The following SNTG2 variants were observed in gnomAD, a reference collection of about 807,000 sequenced individuals.
SNTG2 encodes the protein gamma-2-syntrophin.
Under a neutral mutation model 70.9 loss-of-function variants are expected in SNTG2, and 74 were observed. That is an observed-to-expected ratio of 1.04 (90% CI 0.86 to 1.27). The LOEUF (loss-of-function observed/expected upper bound fraction) is 1.27, where lower values mean the gene tolerates loss of function less well. Among genes scored for constraint, SNTG2 ranks in the 50% most tolerant of loss-of-function variants. The probability of loss-of-function intolerance (pLI) is 0.00; values close to 1 mark genes in which losing one functional copy is unlikely to be tolerated. For synonymous variants in SNTG2, 278 were observed against 273.8 expected (o/e 1.02, Z -0.15); for missense variants, 717 against 690.7 (o/e 1.04, Z -0.43).
chr2:1,282,713 A>G (rs1444377781), intron 14 of SNTG2, among the ~76,000 whole-genome samples: 1 of 35,972 alleles, frequency 2.8e-5, no homozygotes, highest in Non-Finnish European at 5.1e-5. Context: ...CCTCCCCCGC[A>G]CTGTGCATCC....
intron 1 of SNTG2, among the ~76,000 whole-genome samples, chr2:981,771 T>C (rs1368710197): frequency 2.0e-5 from 3 of 152,190 alleles, no homozygotes. Context: ...AGTACACACA[T>C]GCCCCCACAC....
intron 6 of SNTG2, chr2:1,160,133 ATTC>A (rs1670173339): frequency 6.6e-6 from 1 of 152,208 alleles, no homozygotes; most frequent in Non-Finnish European, 1.5e-5. Flanking sequence ...GTGTATGAAA[ATTC>A]TTGTACTGAC....
At position 1,221,859 on chromosome 2, in the gene SNTG2, G is replaced by A. The variant is rs1320942551; in HGVS notation, c.719+12629G>A. 2.8e-3 allele frequency among the ~76,000 whole-genome samples: 15 copies of A among 5,308 alleles called. 5 individuals are homozygous for A. Among genetic ancestry groups the A allele is most frequent in the Admixed American group, 4.6e-3 (2 of 432 alleles). The allele number at this position is 5,308 out of a possible 152,430, so 3.5% of individuals were successfully genotyped here. On this transcript the variant is annotated intron_variant, in intron 9 of 16. Transcript: ENST00000308624. ...TCTCTCTGTCTCTGTCTCTGTCTCT[G>A]TCTCTGTCTCTCTCTCTCTCTGTCT...
intron 8 of SNTG2, among the ~76,000 whole-genome samples, chr2:1,180,940 T>C (rs1671844009): frequency 6.6e-6 from 1 of 151,904 alleles, no homozygotes; most frequent in Non-Finnish European, 1.5e-5. Flanking sequence ...AAATTGGAAA[T>C]CATCATTCTC....
rs1386674195 is a variant in SNTG2 at position 1,296,206 on chromosome 2, C to A, written c.1285-12288C>A. Among the ~76,000 whole-genome samples the A allele has an allele frequency of 2.0e-5, 3 of 152,234 alleles. No individual in the cohort carries two copies. In the East Asian group the frequency reaches 5.8e-4, roughly 29 times the overall value. On this transcript the variant is annotated intron_variant, in intron 14 of 16. Coordinates refer to ENST00000308624, the MANE Select transcript of SNTG2 (RefSeq NM_018968.4). The stretch of plus-strand genomic sequence containing the variant: ...CACCATGGCCACTTCTGTGCTAATG[C>A]TGATCTACTCATCCTGGAATTGGTT...
intron 4 of SNTG2, among the ~76,000 whole-genome samples, chr2:1,127,038 C>A (rs1438389274): frequency 6.6e-6 from 1 of 151,698 alleles, no homozygotes; most frequent in Non-Finnish European, 1.5e-5. Flanking sequence ...TTTCTCAGAC[C>A]AGTGTCCAGA....
At chr2:1,154,275 G>T (rs1406475214) in intron 6 of SNTG2, among the ~76,000 whole-genome samples, 6 of 152,130 alleles carry the variant, frequency 3.9e-5, no homozygotes, top group Non-Finnish European at 5.9e-5. Context: ...TGCAGCTGAG[G>T]CGCTGGCACG....
At chr2:1,140,595 C>A (rs1558447514) in intron 6 of SNTG2, among the ~76,000 whole-genome samples, 1 of 152,186 alleles carries the variant, frequency 6.6e-6, no homozygotes, top group Non-Finnish European at 1.5e-5. Flanking sequence ...CCAGCGCCCC[C>A]ACAGGCAGGG....
chr2:1,152,640 G>C (rs976913054), intron 6 of SNTG2, among the ~76,000 whole-genome samples: 1 of 152,178 alleles, frequency 6.6e-6, no homozygotes, highest in Non-Finnish European at 1.5e-5. Flanking sequence ...GTGTGTTTGT[G>C]TGTAACATTT....
At chr2:1,249,256 T>C (rs1677619738) in intron 12 of SNTG2, among the ~76,000 whole-genome samples, 2 of 152,184 alleles carry the variant, frequency 1.3e-5, no homozygotes, top group African/African-American at 4.8e-5. Flanking sequence ...GTAATATAAA[T>C]CGATAACTAA....
At chr2:1,074,192 CTG>C (rs1304322649) in intron 1 of SNTG2, among the ~76,000 whole-genome samples, 1 of 152,216 alleles carries the variant, frequency 6.6e-6, no homozygotes, top group Non-Finnish European at 1.5e-5. Flanking sequence ...TGTAGCCCCT[CTG>C]TGCATGTGTG....
intron 16 of SNTG2, among the ~76,000 whole-genome samples, chr2:1,333,505 A>G (rs1440648488): frequency 2.0e-5 from 3 of 152,210 alleles, no homozygotes; most frequent in Admixed American, 1.3e-4. Context: ...AGAAAAAAAC[A>G]AATTTGGAGG....
At chr2:1,189,011 A>G (rs935153290) in intron 8 of SNTG2, among the ~76,000 whole-genome samples, 1 of 152,186 alleles carries the variant, frequency 6.6e-6, no homozygotes, top group Non-Finnish European at 1.5e-5. Flanking sequence ...ACAAAACATG[A>G]TTATTGTCAA....
At chr2:1,154,158 C>A (rs4073640) in intron 6 of SNTG2, among the ~76,000 whole-genome samples, 20,115 of 151,202 alleles carry the variant, frequency 0.13, 1,795 homozygotes, top group East Asian at 0.43. Context: ...AGGGAAAGGG[C>A]GCGGGCGGGG....
At chr2:1,049,622 G>C (rs1404811897) in intron 1 of SNTG2, among the ~76,000 whole-genome samples, 1 of 152,176 alleles carries the variant, frequency 6.6e-6, no homozygotes, top group Non-Finnish European at 1.5e-5. Context: ...GCAGGCTTTT[G>C]TGTGGACATG....
chr2:1,244,918 G>A (rs948439542), intron 11 of SNTG2, among the ~76,000 whole-genome samples: 2 of 151,992 alleles, frequency 1.3e-5, no homozygotes, highest in Non-Finnish European at 2.9e-5. Context: ...ATCATTGTTT[G>A]TGAAACCTCG....
intron 8 of SNTG2, among the ~76,000 whole-genome samples, chr2:1,179,431 CAG>C (rs1402135829): frequency 3.9e-5 from 6 of 152,114 alleles, no homozygotes; most frequent in African/African-American, 1.2e-4. Context: ...AACAGACAAA[CAG>C]GGAGCCAAAT....
chr2:1,103,647 C>G (rs1271572795), intron 4 of SNTG2, among the ~76,000 whole-genome samples: 1 of 152,178 alleles, frequency 6.6e-6, no homozygotes, highest in East Asian at 1.9e-4. Context: ...TTTGGCCTCC[C>G]AAAGTACTGG....
chr2:1,065,687 A>AT (rs1294722374), intron 1 of SNTG2, among the ~76,000 whole-genome samples: 2 of 151,500 alleles, frequency 1.3e-5, no homozygotes, highest in African/African-American at 4.9e-5. Flanking sequence ...CTGTTTTATG[A>AT]TACTCTGCTC....
Sources: gnomAD v4.1 joint callset for allele counts (sites outside exome capture counted in the v4.1 genomes callset) on GRCh38, gnomAD v4.1.1 for gene constraint, MANE v1.5 for transcripts, NCBI Gene and HGNC (gene_info 2026-07-23, HGNC 2026-07-21) for gene names.